CACNB2: variants seen among roughly 807,000 people sequenced by gnomAD.
The protein encoded by CACNB2 is calcium voltage-gated channel auxiliary subunit beta 2.
In CACNB2, 42 loss-of-function variants were observed where a neutral mutation model predicts 73.3. The observed-to-expected ratio is 0.57, with a 90% CI of 0.45 to 0.74. The LOEUF is 0.74. Among genes scored for constraint, CACNB2 ranks in the 30% least tolerant of loss-of-function variants. CACNB2 has a pLI of 0.00. For synonymous variants in CACNB2, 348 were observed against 310.3 expected, an observed-to-expected ratio of 1.12 and a Z score of -1.28; for missense variants, 940 against 853.0, an observed-to-expected ratio of 1.10 and a Z score of -1.27.
Position 18,140,780 on chromosome 10 carries a change from C to G in CACNB2, c.44C>G (p.Ala15Gly). ...TCCAAGTCGCCTCCCACAGCGGCGGCGGCGGTGGCGCAGGAGATCCAGATG... is the reference window on the plus strand; with the variant it reads ...TCCAAGTCGCCTCCCACAGCGGCGGGGGCGGTGGCGCAGGAGATCCAGATG... ...DMSKSPPTAAAAVAQEIQMEL... is the reference protein window; with the variant it reads ...DMSKSPPTAAGAVAQEIQMEL... Residue 15 changes from alanine (A) to glycine (G), a missense_variant, in exon 1 of 14, where the codon GCG (alanine) becomes GGG (glycine). Ala to Gly is a moderately conservative substitution (Grantham distance 60). Coordinates refer to ENST00000324631, the MANE Select transcript of CACNB2 (RefSeq NM_201596.3). 6.3e-7 allele frequency: 1 copy of G among 1,598,360 alleles called. No individual in the cohort carries two copies. Among genetic ancestry groups the G allele is most frequent in the Non-Finnish European group, 8.5e-7 (1 of 1,174,162 alleles).
At chr10:18,414,405 T>C (rs577682886) in intron 3 of CACNB2, among the ~76,000 whole-genome samples, 5 of 152,278 alleles carry the variant, frequency 3.3e-5, no homozygotes. Flanking sequence ...CCTGTTAAGC[T>C]AGTTTTAACT....
At chr10:18,498,134 A>G (rs774799125) in intron 3 of CACNB2, among the ~76,000 whole-genome samples, 3 of 152,216 alleles carry the variant, frequency 2.0e-5, no homozygotes, top group Admixed American at 6.5e-5. Context: ...AAAGAGAACA[A>G]TGGCCTTTTT....
rs1328726519 is a variant in CACNB2, at chr10:18,513,554, A to G, written c.671-682A>G. On this transcript the variant is annotated intron_variant, in intron 6 of 13. Transcript: ENST00000324631. ...ACGTTCATTAGCAGTTCCTGGGCCA[A>G]ATGCATTGTTGATATTGCAAGTTGT... 3 of 396,160 alleles carry G rather than the reference A, an allele frequency of 7.6e-6. No individual in the cohort carries two copies. In the East Asian group the frequency reaches 2.4e-4, roughly 32 times the overall value. 24.5% of individuals were successfully genotyped at this position (396,160 alleles called of 1,614,324 possible).
At chr10:18,458,069 C>A (rs1368212640) in intron 3 of CACNB2, among the ~76,000 whole-genome samples, 1 of 152,180 alleles carries the variant, frequency 6.6e-6, no homozygotes, top group African/African-American at 2.4e-5. Context: ...TTTGATGATG[C>A]AGAGAAATCA....
chr10:18,515,274 G>A (rs1336003780), intron 7 of CACNB2, among the ~76,000 whole-genome samples: 1 of 152,102 alleles, frequency 6.6e-6, no homozygotes, highest in African/African-American at 2.4e-5. Flanking sequence ...CACCCATTTT[G>A]TAGCTTTAAA....
chr10:18,245,506 T>A (rs2131527397), intron 2 of CACNB2, among the ~76,000 whole-genome samples: 1 of 152,204 alleles, frequency 6.6e-6, no homozygotes, highest in Non-Finnish European at 1.5e-5. Context: ...ATTTTAATAT[T>A]TTTTGTGAAG....
At chr10:18,507,386 C>T (rs188839104) in intron 6 of CACNB2, among the ~76,000 whole-genome samples, 122 of 152,236 alleles carry the variant, frequency 8.0e-4, no homozygotes, top group African/African-American at 2.7e-3. Flanking sequence ...GCAGTGGGTT[C>T]ATCCTAATGG....
chr10:18,238,202 T>C (rs1308785398), intron 2 of CACNB2, among the ~76,000 whole-genome samples: 1 of 152,228 alleles, frequency 6.6e-6, no homozygotes, highest in Admixed American at 6.5e-5. Flanking sequence ...TGGCATATAA[T>C]GTACTCGAAT....
intron 2 of CACNB2, among the ~76,000 whole-genome samples, chr10:18,301,525 T>C (rs1434735506): frequency 6.6e-6 from 1 of 151,822 alleles, no homozygotes; most frequent in Admixed American, 6.6e-5. Context: ...AGCCCAGGAG[T>C]TTGAGGCTGC....
rs549160550 is a variant in CACNB2 at position 18,154,720 on chromosome 10, G to A, written c.213+3745G>A. ...TGACCTCAAGTGATCCACCCGCCTC[G>A]GCCTCCCAAAGTGCTGGGATTACAG... On this transcript the variant is annotated intron_variant, in intron 2 of 13. Transcript: ENST00000324631. Among the ~76,000 whole-genome samples the A allele has an allele frequency of 7.9e-5, 12 of 152,186 alleles. No individual in the cohort carries two copies. The South Asian group carries it at 1.7e-3, about 21-fold the overall frequency.
At chr10:18,380,669 G>T (rs967662277) in intron 2 of CACNB2, among the ~76,000 whole-genome samples, 1 of 151,554 alleles carries the variant, frequency 6.6e-6, no homozygotes. Flanking sequence ...TGGCCAGGCT[G>T]GTCTGGAACT....
chr10:18,416,669 C>T (rs187992458), intron 3 of CACNB2, among the ~76,000 whole-genome samples: 1 of 152,314 alleles, frequency 6.6e-6, no homozygotes, highest in African/African-American at 2.4e-5. Context: ...GCCACAGCCT[C>T]CCGAAGTTTT....
At chr10:18,215,056 A>G (rs1334786206) in intron 2 of CACNB2, among the ~76,000 whole-genome samples, 2 of 151,872 alleles carry the variant, frequency 1.3e-5, no homozygotes, top group Non-Finnish European at 2.9e-5. Flanking sequence ...AAAGTGCTGA[A>G]CCCACTGTGC....
intron 2 of CACNB2, among the ~76,000 whole-genome samples, chr10:18,244,648 T>C (rs1236880500): frequency 1.3e-5 from 2 of 152,216 alleles, no homozygotes; most frequent in East Asian, 1.9e-4. Flanking sequence ...TAGGGCTCCA[T>C]AGGGGAGTAT....
chr10:18,228,613 T>G (rs184080383), intron 2 of CACNB2, among the ~76,000 whole-genome samples: 232 of 152,282 alleles, frequency 1.5e-3, no homozygotes, highest in Non-Finnish European at 3.0e-3. Context: ...TGTGTGATCT[T>G]GTACAAGTTA....
At chr10:18,398,694 C>T (rs868354514) in intron 2 of CACNB2, among the ~76,000 whole-genome samples, 27 of 130,906 alleles carry the variant, frequency 2.1e-4, no homozygotes, top group Admixed American at 1.5e-3. Flanking sequence ...CACACACATA[C>T]ACACACACAC....
At chr10:18,461,355 T>G (rs1394179668) in intron 3 of CACNB2, among the ~76,000 whole-genome samples, 1 of 152,208 alleles carries the variant, frequency 6.6e-6, no homozygotes, top group Non-Finnish European at 1.5e-5. Context: ...AACAGATCAC[T>G]CTCTGGTCAG....
intron 3 of CACNB2, among the ~76,000 whole-genome samples, chr10:18,485,558 CTT>C (rs34707498): frequency 0.14 from 17,733 of 128,728 alleles, 992 homozygotes; most frequent in South Asian, 0.22. Context: ...CTCTCTCTCT[CTT>C]TTTTTTTTTT....
intron 2 of CACNB2, among the ~76,000 whole-genome samples, chr10:18,251,670 A>G (rs2037096538): frequency 6.6e-6 from 1 of 152,236 alleles, no homozygotes; most frequent in Admixed American, 6.5e-5. Context: ...ACTCAGTTCC[A>G]CAGGCTATAC....
Sources: allele counts gnomAD v4.1 joint callset (sites outside exome capture counted in the v4.1 genomes callset), GRCh38; gene constraint gnomAD v4.1.1; transcripts MANE v1.5; gene names NCBI Gene and HGNC (gene_info 2026-07-23, HGNC 2026-07-21).